Variants in TNC observed in about 807,000 individuals in gnomAD.
The protein encoded by TNC is tenascin.
A neutral mutation model predicts 202.4 loss-of-function variants in TNC; 109 were observed. The ratio of observed to expected loss-of-function variants is 0.54; its 90% confidence interval spans 0.46 to 0.63. TNC has a LOEUF of 0.63. Ranked by LOEUF, TNC falls within the 30% of genes least tolerant of loss-of-function variation. TNC has a pLI of 0.00. For missense variants in TNC, 2,756 were observed against 2,833.3 expected (o/e 0.97, Z 0.62); for synonymous variants, 1,007 against 1,089.7 (o/e 0.92, Z 1.50).
chr9:115,032,080 C>T (rs964897752), intron 22 of TNC, among the ~76,000 whole-genome samples: 3 of 151,890 alleles, frequency 2.0e-5, no homozygotes, highest in African/African-American at 7.3e-5. Context: ...CCATGGGGCC[C>T]AGATATTTGG....
chr9:115,056,425 A>C (rs1211917590), intron 15 of TNC, among the ~76,000 whole-genome samples: 1 of 152,204 alleles, frequency 6.6e-6, no homozygotes, highest in Non-Finnish European at 1.5e-5. Flanking sequence ...CATCTGACTT[A>C]GTGCACATCT....
intron 20 of TNC, among the ~76,000 whole-genome samples, chr9:115,037,533 T>C (rs1830424708): frequency 6.6e-6 from 1 of 152,160 alleles, no homozygotes; most frequent in South Asian, 2.1e-4. Flanking sequence ...TTATTTTTTA[T>C]TTTTATTTTT....
At chr9:115,099,407 A>G (rs1177508073) in intron 1 of TNC, among the ~76,000 whole-genome samples, 1 of 152,236 alleles carries the variant, frequency 6.6e-6, no homozygotes, top group East Asian at 1.9e-4. Context: ...CATCTGTGCA[A>G]TGTTTGAGGA....
At chr9:115,033,864 T>G (rs570541261) in intron 22 of TNC, among the ~76,000 whole-genome samples, 30 of 152,286 alleles carry the variant, frequency 2.0e-4, no homozygotes, top group African/African-American at 6.7e-4. Context: ...GGGGAATGAA[T>G]GAAGAAGGCT....
chr9:115,089,478 A>C (rs1177001981), intron 2 of TNC, among the ~76,000 whole-genome samples: 5 of 148,524 alleles, frequency 3.4e-5, no homozygotes, highest in Admixed American at 6.7e-5. Flanking sequence ...CAAAATCCCT[A>C]TCTCTCTCTC....
intron 1 of TNC, among the ~76,000 whole-genome samples, chr9:115,106,459 T>C (rs546210934): frequency 2.0e-4 from 30 of 152,338 alleles, no homozygotes; most frequent in African/African-American, 7.0e-4. Flanking sequence ...AATAGAGTTG[T>C]TGGATTTGCA....
intron 1 of TNC, among the ~76,000 whole-genome samples, chr9:115,111,891 C>T (rs143601109): frequency 1.2e-4 from 18 of 152,150 alleles, no homozygotes; most frequent in African/African-American, 3.9e-4. Context: ...GCTAATCATC[C>T]CCCAATTCAG....
chr9:115,076,093 A>G lies in TNC; in HGVS notation c.2889T>C (p.Ile963=). 1 of 1,614,164 alleles carries G rather than the reference A, an allele frequency of 6.2e-7. No homozygotes were observed. The highest frequency in any genetic ancestry group is 2.2e-5 in the East Asian group (1 of 44,868). The part of the protein sequence containing the change: ...TGLRPGTEYG[I]GVSAVKEDKE... ...TGTCTTCCTTCACAGCAGAAACTCC[A>G]ATCCCATATTCAGTTCCCGGCCTCA... Residue 963 remains isoleucine (I), a synonymous_variant, in exon 9 of 28, where the codon ATT becomes ATC. Transcript: ENST00000350763.
intron 22 of TNC, among the ~76,000 whole-genome samples, chr9:115,033,533 GTCCAA>G (rs1359551355): frequency 1.3e-5 from 2 of 152,304 alleles, no homozygotes; most frequent in African/African-American, 4.8e-5. Flanking sequence ...AGATGGATAA[GTCCAA>G]GGCATTCATT....
chr9:115,092,583 T>C (rs1835312764), intron 1 of TNC, among the ~76,000 whole-genome samples: 1 of 152,108 alleles, frequency 6.6e-6, no homozygotes, highest in South Asian at 2.1e-4. Flanking sequence ...TATTTATTTA[T>C]TTATTTTTGA....
Position 115,063,032 on chromosome 9 carries a change from G to T in TNC, c.3918C>A (p.Gly1306=), listed in dbSNP as rs1326543079. ...VEEAHNLTVP[G]SLRSMEIPGL... ...CTGGGATTTCCATGGAACGCAGGCT[G>T]CCAGGAACCGTGAGATTGTGAGCCT... The change falls in exon 13 of 28, where the codon GGC becomes GGA. Residue 1306 remains glycine, a synonymous_variant. Transcript: ENST00000350763. The T allele has an allele frequency of 1.2e-6, 2 of 1,613,988 alleles. No individual in the cohort carries two copies. The highest frequency in any genetic ancestry group is 1.7e-6 in the Non-Finnish European group (2 of 1,180,034).
rs1389607066 is a variant in TNC at position 115,048,278 on chromosome 9, T to A, written c.4834A>T (p.Arg1612Trp). The part of the protein sequence containing the change: ...FTQGHQTKPL[R>W]AEIVTEAEPE... Reference sequence around the variant, plus strand: ...GAAATACCTGTAACAATCTCAGCCCTCAAGGGCTTGGTTTGATGCCCTTGG... The same window carrying A: ...GAAATACCTGTAACAATCTCAGCCCACAAGGGCTTGGTTTGATGCCCTTGG... The change falls in exon 16 of 28, where the codon AGG (arginine) becomes TGG (tryptophan). Residue 1612 changes from arginine (R) to tryptophan (W), a missense_variant. Arg to Trp is a moderately radical substitution (Grantham distance 101, BLOSUM62 -3). Coordinates refer to ENST00000350763, the MANE Select transcript of TNC (RefSeq NM_002160.4). 2 of 1,613,798 alleles carry A rather than the reference T, an allele frequency of 1.2e-6. No individual in the cohort carries two copies. Among genetic ancestry groups the A allele is most frequent in the African/African-American group, 2.7e-5 (2 of 74,880 alleles).
intron 25 of TNC, among the ~76,000 whole-genome samples, chr9:115,027,388 G>A (rs1323024933): frequency 2.0e-5 from 3 of 151,922 alleles, no homozygotes; most frequent in Admixed American, 6.5e-5. Context: ...TCAGGAGTTC[G>A]AGACCAGCCT....
chr9:115,035,530 C>T (rs1830258142), intron 21 of TNC, 196 bp from the exon 22 acceptor site: 1 of 546,070 alleles, frequency 1.8e-6, no homozygotes, highest in South Asian at 2.5e-5. Flanking sequence ...TGGTTTATCT[C>T]ATCCTAAGGG....
intron 1 of TNC, among the ~76,000 whole-genome samples, chr9:115,093,155 T>TG (rs751263467): frequency 5.2e-4 from 79 of 152,280 alleles, no homozygotes; most frequent in Non-Finnish European, 1.0e-3. Flanking sequence ...AAAATTGAAC[T>TG]GGGAAGCATT....
chr9:115,041,916 T>A (rs1028085789), intron 18 of TNC, among the ~76,000 whole-genome samples: 1 of 152,230 alleles, frequency 6.6e-6, no homozygotes, highest in African/African-American at 2.4e-5. Context: ...GGGAGAGAAA[T>A]GCCAATATAT....
At chr9:115,072,935 C>G (rs3789873) in intron 10 of TNC, among the ~76,000 whole-genome samples, 113,888 of 151,854 alleles carry the variant, frequency 0.75, 43,338 homozygotes, top group Middle Eastern at 0.86. Context: ...CACCGAGTAA[C>G]CATGGCCTCA....
chr9:115,021,290 A>G (rs1228430659), intron 27 of TNC, 23 bp from the exon 28 acceptor site: 2 of 1,562,506 alleles, frequency 1.3e-6, no homozygotes, highest in African/African-American at 1.4e-5. Flanking sequence ...AAAAAGAGAG[A>G]GAGAGAGAGA....
At chr9:115,063,635 G>A (rs1832716906) in intron 12 of TNC, among the ~76,000 whole-genome samples, 161 bp downstream of exon 12, 1 of 152,154 alleles carries the variant, frequency 6.6e-6, no homozygotes, top group Admixed American at 6.5e-5. Flanking sequence ...CTAGGACTTA[G>A]CCAAATAAGG....
Sources: allele counts gnomAD v4.1 joint callset (sites outside exome capture counted in the v4.1 genomes callset), GRCh38; gene constraint gnomAD v4.1.1; transcripts MANE v1.5; gene names NCBI Gene and HGNC (gene_info 2026-07-23, HGNC 2026-07-21).